Variants in ACYP2 observed in about 807,000 individuals in gnomAD.
ACYP2 encodes the protein acylphosphatase-2.
In ACYP2, 12 loss-of-function variants were observed where a neutral mutation model predicts 11.2. That is an observed-to-expected ratio of 1.08 (90% CI 0.69 to 1.74). The LOEUF (loss-of-function observed/expected upper bound fraction) is 1.74, where lower values mean the gene tolerates loss of function less well. ACYP2 is among the 40% of genes most tolerant of loss of function. The pLI is 0.00. For synonymous variants in ACYP2, 43 were observed against 32.2 expected (o/e 1.33, Z -1.13); for missense variants, 134 against 101.9 (o/e 1.31, Z -1.35).
intron 4 of ACYP2, among the ~76,000 whole-genome samples, chr2:54,113,590 T>C (rs1011080592): frequency 2.4e-4 from 36 of 152,084 alleles, no homozygotes; most frequent in Non-Finnish European, 5.0e-4. Context: ...GTTGAATCTA[T>C]GGATGCAGAA....
chr2:54,219,887 A>G (rs376543340), intron 6 of ACYP2, among the ~76,000 whole-genome samples: 24,541 of 58,368 alleles, frequency 0.42, 3,241 homozygotes, highest in Non-Finnish European at 0.45. Context: ...GTGTGTATAT[A>G]TATATATATA....
intron 4 of ACYP2, among the ~76,000 whole-genome samples, chr2:54,072,595 C>A (rs1447375343): frequency 7.8e-6 from 1 of 128,876 alleles, no homozygotes; most frequent in Non-Finnish European, 1.6e-5. Context: ...CAGAGCCTCA[C>A]TCTGTTGCCC....
At chr2:54,217,717 A>T (rs546130539) in intron 6 of ACYP2, among the ~76,000 whole-genome samples, 2 of 152,124 alleles carry the variant, frequency 1.3e-5, no homozygotes, top group Admixed American at 6.6e-5. Flanking sequence ...AATCTTTAAC[A>T]TGATAAAGTC....
At chr2:54,073,976 T>A (rs1677196549) in intron 4 of ACYP2, among the ~76,000 whole-genome samples, 1 of 152,188 alleles carries the variant, frequency 6.6e-6, no homozygotes, top group Non-Finnish European at 1.5e-5. Context: ...AGTCTGGCAG[T>A]TCCTCAAGAA....
intron 2 of ACYP2, among the ~76,000 whole-genome samples, chr2:54,029,172 GA>G (rs574570127): frequency 2.7e-5 from 4 of 150,782 alleles, no homozygotes; most frequent in South Asian, 4.2e-4. Context: ...CTCAGGAAAA[GA>G]AAAAAAAATC....
At chr2:54,090,711 G>A (rs1274273517) in intron 4 of ACYP2, among the ~76,000 whole-genome samples, 2 of 151,998 alleles carry the variant, frequency 1.3e-5, no homozygotes, top group South Asian at 2.1e-4. Flanking sequence ...ATTCTCTTAC[G>A]CCTGGACCGC....
At chr2:54,201,608 C>CTTTCTTTCTT (rs1684785429) in intron 6 of ACYP2, among the ~76,000 whole-genome samples, 1 of 79,860 alleles carries the variant, frequency 1.3e-5, no homozygotes, top group African/African-American at 4.8e-5. Flanking sequence ...TTCTTTCTTT[C>CTTTCTTTCTT]TTTCTTTCTT....
intron 2 of ACYP2, among the ~76,000 whole-genome samples, chr2:54,041,959 G>T (rs2104563727): frequency 6.6e-6 from 1 of 151,584 alleles, no homozygotes; most frequent in Non-Finnish European, 1.5e-5. Context: ...CACAGTTCTG[G>T]AATTCATTTT....
chr2:54,015,151 G>A (rs891776023), intron 2 of ACYP2, among the ~76,000 whole-genome samples: 1 of 152,016 alleles, frequency 6.6e-6, no homozygotes. Context: ...CAGATCACTT[G>A]AGGTCAGGTA....
intron 2 of ACYP2, among the ~76,000 whole-genome samples, chr2:54,026,949 G>A (rs1286354347): frequency 1.3e-5 from 2 of 152,140 alleles, no homozygotes; most frequent in Admixed American, 6.6e-5. Context: ...TACACACTGG[G>A]TACAGTGTAC....
intron 6 of ACYP2, among the ~76,000 whole-genome samples, chr2:54,225,199 A>T (rs890811015): frequency 2.0e-5 from 3 of 152,182 alleles, no homozygotes. Flanking sequence ...GAAATTCTCT[A>T]TCTGGCTGTG....
intron 4 of ACYP2, chr2:54,084,490 C>T (rs1423380007): frequency 4.6e-5 from 7 of 152,196 alleles, no homozygotes; most frequent in African/African-American, 1.4e-4. Context: ...CGGGGTTTCA[C>T]CATATTGGCC....
intron 4 of ACYP2, among the ~76,000 whole-genome samples, chr2:54,089,557 G>C (rs939722285): frequency 3.3e-5 from 5 of 152,186 alleles, no homozygotes; most frequent in African/African-American, 1.2e-4. Context: ...GGGCAACATA[G>C]TGAGAACTTG....
intron 2 of ACYP2, among the ~76,000 whole-genome samples, chr2:54,014,095 T>C (rs993453458): frequency 2.0e-5 from 3 of 151,564 alleles, no homozygotes; most frequent in African/African-American, 7.3e-5. Context: ...GAGGCGGAAA[T>C]TGCAGTGAGC....
intron 6 of ACYP2, among the ~76,000 whole-genome samples, chr2:54,184,314 A>T (rs1302306787): frequency 6.6e-6 from 1 of 152,174 alleles, no homozygotes; most frequent in Non-Finnish European, 1.5e-5. Context: ...TGCCAGTTCT[A>T]AGCGCCACAT....
intron 6 of ACYP2, among the ~76,000 whole-genome samples, chr2:54,236,956 T>C (rs754730120): frequency 3.3e-5 from 5 of 152,184 alleles, no homozygotes; most frequent in East Asian, 1.9e-4. Context: ...GTGGATTCAA[T>C]TGGGGATCAA....
Position 54,264,147 on chromosome 2 carries a change from G to C in ACYP2, c.405-40541G>C, listed in dbSNP as rs927246357. 5.8e-4 allele frequency among the ~76,000 whole-genome samples: 89 copies of C among 152,268 alleles called. 1 individual carries two copies. Among genetic ancestry groups the C allele is most frequent in the African/African-American group, 2.1e-3 (87 of 41,550 alleles). On this transcript the variant is annotated intron_variant, in intron 6 of 6. Transcript: ENST00000607452. ...TCCTTCAGATGTTCAGAAGGGTCCGGAGTTTCTTCCTTCCGGTGGGTTCGT... is the reference window on the plus strand; with the variant it reads ...TCCTTCAGATGTTCAGAAGGGTCCGCAGTTTCTTCCTTCCGGTGGGTTCGT...
chr2:53,988,338 C>A (rs929420101), intron 2 of ACYP2, among the ~76,000 whole-genome samples: 2 of 152,096 alleles, frequency 1.3e-5, no homozygotes, highest in Non-Finnish European at 2.9e-5. Flanking sequence ...TTATATGTGG[C>A]ATGACATTTA....
intron 2 of ACYP2, among the ~76,000 whole-genome samples, chr2:54,034,501 C>A (rs78647531): frequency 0.018 from 2,672 of 152,242 alleles, 44 homozygotes; most frequent in African/African-American, 0.044. Flanking sequence ...GGTTTGTAAC[C>A]TAGGAGTGAT....
Sources: gnomAD v4.1 joint callset for allele counts (sites outside exome capture counted in the v4.1 genomes callset) on GRCh38, gnomAD v4.1.1 for gene constraint, MANE v1.5 for transcripts, NCBI Gene and HGNC (gene_info 2026-07-23, HGNC 2026-07-21) for gene names.